AGBL1: variants seen among roughly 807,000 people sequenced by gnomAD.
AGBL1 encodes the protein AGBL carboxypeptidase 1, also known as cytosolic carboxypeptidase 4.
In AGBL1, 130 loss-of-function variants were observed where a neutral mutation model predicts 118.9. The observed-to-expected ratio is 1.09, with a 90% CI of 0.95 to 1.26. AGBL1 has a LOEUF of 1.26. Ranked by LOEUF, AGBL1 falls within the 50% of genes most tolerant of loss-of-function variation. AGBL1 has a pLI of 0.00. For missense variants in AGBL1, 1,584 were observed against 1,298.1 expected (o/e 1.22, Z -3.38); for synonymous variants, 555 against 478.9 (o/e 1.16, Z -2.08).
chr15:86,779,913 C>A (rs1376970820), intron 22 of AGBL1, among the ~76,000 whole-genome samples: 1 of 107,082 alleles, frequency 9.3e-6, no homozygotes, highest in Non-Finnish European at 2.1e-5. Flanking sequence ...GTGTTGGACA[C>A]CCCCCCAACA....
At chr15:86,778,005 C>T (rs1014086138) in intron 22 of AGBL1, among the ~76,000 whole-genome samples, 2 of 152,012 alleles carry the variant, frequency 1.3e-5, no homozygotes, top group African/African-American at 2.4e-5. Flanking sequence ...TCTATGTTCC[C>T]TAAGGGTCAG....
At chr15:86,642,103 A>G (rs897697478) in intron 21 of AGBL1, among the ~76,000 whole-genome samples, 23 of 152,186 alleles carry the variant, frequency 1.5e-4, no homozygotes, top group African/African-American at 5.5e-4. Flanking sequence ...CTTTTGGCCA[A>G]AGCAAATCAC....
chr15:86,417,754 G>A (rs1324283082), intron 18 of AGBL1, among the ~76,000 whole-genome samples: 2 of 152,178 alleles, frequency 1.3e-5, no homozygotes, highest in African/African-American at 4.8e-5. Context: ...TGGTCTACAT[G>A]AGAGACTGGC....
At chr15:86,102,528 T>C (rs1375445062) in intron 1 of AGBL1, among the ~76,000 whole-genome samples, 1 of 152,186 alleles carries the variant, frequency 6.6e-6, no homozygotes, top group East Asian at 1.9e-4. Flanking sequence ...TTATTTCTCC[T>C]TCATTTATGA....
chr15:86,362,884 G>A (rs1016488596), intron 17 of AGBL1, among the ~76,000 whole-genome samples: 41 of 152,358 alleles, frequency 2.7e-4, no homozygotes, highest in African/African-American at 9.6e-4. Flanking sequence ...TGGACTGGCA[G>A]GATGAAGCTT....
At position 86,873,902 on chromosome 15, in the gene AGBL1, C is replaced by T. The variant is rs141138409; in HGVS notation, c.3159-33185C>T. Among the ~76,000 whole-genome samples the T allele has an allele frequency of 6.9e-4, 105 of 152,256 alleles. 1 individual carries two copies. Among genetic ancestry groups the T allele is most frequent in the Non-Finnish European group, 9.1e-4 (62 of 68,018 alleles). On this transcript the variant is annotated intron_variant, in intron 22 of 22. Coordinates refer to ENST00000614907, the MANE Select transcript of AGBL1 (RefSeq NM_001386094.1). ...CTCAAGATACAATAGTCTTTATGAT[C>T]TTAACAGTAGTAGTTATAATAGAAA...
intron 19 of AGBL1, among the ~76,000 whole-genome samples, chr15:86,525,677 C>A (rs776298745): frequency 2.6e-5 from 4 of 152,064 alleles, no homozygotes; most frequent in Admixed American, 1.3e-4. Flanking sequence ...AAGAATGAAC[C>A]TGGATCCCTG....
rs186769651 is a variant in AGBL1, at chr15:86,214,685, T to C, written c.489-10229T>C. The stretch of plus-strand genomic sequence containing the variant: ...AGTGCTGGGGATTCCCAAAAGCTTT[T>C]GTCTGAGCCCTTGTTCTGATGCTGT... On this transcript the variant is annotated intron_variant, in intron 5 of 22. Coordinates refer to ENST00000614907, the MANE Select transcript of AGBL1 (RefSeq NM_001386094.1). Among the ~76,000 whole-genome samples, 76 of 152,360 alleles carry C rather than the reference T, an allele frequency of 5.0e-4. 1 individual carries two copies. The highest frequency in any genetic ancestry group is 4.8e-3 in the Admixed American group (73 of 15,302).
intron 18 of AGBL1, among the ~76,000 whole-genome samples, chr15:86,510,817 A>AG (rs150858226): frequency 1.2e-3 from 180 of 152,216 alleles, no homozygotes; most frequent in African/African-American, 4.1e-3. Context: ...GACTGTCCAG[A>AG]GAAAAAATAT....
At chr15:86,251,500 T>C (rs1429199903) in intron 7 of AGBL1, among the ~76,000 whole-genome samples, 1 of 152,194 alleles carries the variant, frequency 6.6e-6, no homozygotes, top group Admixed American at 6.5e-5. Context: ...TTTATTGATG[T>C]TTGTGATGTG....
chr15:86,523,031 T>C (rs1230398295), intron 19 of AGBL1, 92 bp downstream of exon 19: 18 of 1,460,994 alleles, frequency 1.2e-5, no homozygotes, highest in Non-Finnish European at 1.7e-5. Flanking sequence ...GAATAGACAA[T>C]GACCAAAAAC....
rs1012860830 is a variant in AGBL1, at chr15:86,908,160, C to G, written c.*866C>G. ...AAAATGTGGATAAGTATATCTATAT[C>G]ATAAAATTATTGTAGGATGAAATGA... On this transcript the variant is annotated 3_prime_UTR_variant, in exon 23 of 23. Coordinates refer to ENST00000614907, the MANE Select transcript of AGBL1 (RefSeq NM_001386094.1). The G allele has an allele frequency of 2.0e-5, 3 of 152,082 alleles. No homozygotes were observed. The highest frequency in any genetic ancestry group is 4.4e-5 in the Non-Finnish European group (3 of 68,006). 9.4% of individuals were successfully genotyped at this position (152,082 alleles called of 1,614,324 possible).
intron 17 of AGBL1, among the ~76,000 whole-genome samples, chr15:86,355,141 A>G (rs1218460908): frequency 6.6e-6 from 1 of 152,222 alleles, no homozygotes; most frequent in African/African-American, 2.4e-5. Flanking sequence ...CTTCTATTGT[A>G]CAGACCTGTG....
chr15:86,827,324 C>T (rs12902186), intron 22 of AGBL1, among the ~76,000 whole-genome samples: 208 of 2,562 alleles, frequency 0.081, 8 homozygotes, highest in Middle Eastern at 0.25. Context: ...TATACACACA[C>T]ATATATATAT....
intron 21 of AGBL1, among the ~76,000 whole-genome samples, chr15:86,651,363 A>G (rs1260703189): frequency 1.3e-5 from 2 of 152,206 alleles, no homozygotes; most frequent in Non-Finnish European, 2.9e-5. Context: ...CTGAAAGGAA[A>G]GAACACTTCT....
chr15:86,410,088 A>T (rs1458569917), intron 18 of AGBL1, among the ~76,000 whole-genome samples: 1 of 152,200 alleles, frequency 6.6e-6, no homozygotes, highest in Non-Finnish European at 1.5e-5. Flanking sequence ...TTCTAAATAC[A>T]TCTATCATGT....
intron 1 of AGBL1, among the ~76,000 whole-genome samples, chr15:86,112,347 T>G (rs190133990): frequency 6.6e-6 from 1 of 152,302 alleles, no homozygotes; most frequent in East Asian, 1.9e-4. Flanking sequence ...TCCGTTTATA[T>G]GCATGTTTAA....
chr15:86,627,087 G>T (rs897172120), intron 21 of AGBL1, among the ~76,000 whole-genome samples: 1 of 151,890 alleles, frequency 6.6e-6, no homozygotes, highest in African/African-American at 2.4e-5. Flanking sequence ...CGCAACCTCC[G>T]CCTCCTGGGT....
chr15:86,288,602 G>A lies in AGBL1; in HGVS notation c.2221-6653G>A, dbSNP rs138030608. On this transcript the variant is annotated intron_variant, in intron 16 of 22. Coordinates refer to ENST00000614907, the MANE Select transcript of AGBL1 (RefSeq NM_001386094.1). ...TTTGTATAATTTCTGCTTTTTTGGGGGAATAATCTAATGAGTTTTTAATAG... is the reference window on the plus strand; with the variant it reads ...TTTGTATAATTTCTGCTTTTTTGGGAGAATAATCTAATGAGTTTTTAATAG... Among the ~76,000 whole-genome samples the A allele has an allele frequency of 3.0e-3, 456 of 151,556 alleles. 4 individuals carry two copies. Among genetic ancestry groups the A allele is most frequent in the African/African-American group, 0.01 (428 of 41,316 alleles).
Sources: allele counts gnomAD v4.1 joint callset (sites outside exome capture counted in the v4.1 genomes callset), GRCh38; gene constraint gnomAD v4.1.1; transcripts MANE v1.5; gene names NCBI Gene and HGNC (gene_info 2026-07-23, HGNC 2026-07-21).